The following SF3A1 variants were observed in gnomAD, a reference collection of about 807,000 sequenced individuals.
SF3A1 encodes splicing factor 3a subunit 1, also known as SAP 114.
A neutral mutation model predicts 89.9 loss-of-function variants in SF3A1; 13 were observed. That is an observed-to-expected ratio of 0.14 (90% CI 0.09 to 0.23). SF3A1 has a LOEUF of 0.23. Among genes scored for constraint, SF3A1 ranks in the 10% least tolerant of loss-of-function variants. The probability of loss-of-function intolerance (pLI) is 1.00; values close to 1 mark genes in which losing one functional copy is unlikely to be tolerated. For missense variants in SF3A1, 604 were observed against 1,022.1 expected, an observed-to-expected ratio of 0.59 and a Z score of 5.58; for synonymous variants, 405 against 374.4, an observed-to-expected ratio of 1.08 and a Z score of -0.94.
intron 11 of SF3A1, among the ~76,000 whole-genome samples, chr22:30,338,458 CAA>C (rs11442423): frequency 8.3e-5 from 10 of 119,820 alleles, no homozygotes; most frequent in Non-Finnish European, 7.1e-5. Flanking sequence ...AACTTCATCT[CAA>C]AAAAAAAAAA....
chr22:30,352,084 C>T (rs1391663812), intron 2 of SF3A1, among the ~76,000 whole-genome samples: 14 of 123,682 alleles, frequency 1.1e-4, no homozygotes, highest in East Asian at 2.6e-4. Context: ...CAGGAGGAAC[C>T]CGGAGCAATT....
chr22:30,339,576 C>T (rs1931183501), intron 9 of SF3A1, among the ~76,000 whole-genome samples: 1 of 152,030 alleles, frequency 6.6e-6, no homozygotes, highest in South Asian at 2.1e-4. Flanking sequence ...GCCAACATAG[C>T]GAAACCCCGT....
intron 2 of SF3A1, among the ~76,000 whole-genome samples, chr22:30,347,509 G>T (rs1931456286): frequency 6.6e-6 from 1 of 152,078 alleles, no homozygotes; most frequent in African/African-American, 2.4e-5. Context: ...ACCTGGGATG[G>T]TTCCCCAGAT....
chr22:30,340,875 C>T, intron 7 of SF3A1, 63 bp from the exon 8 acceptor site: 2 of 950,762 alleles, frequency 2.1e-6, no homozygotes. Flanking sequence ...GTAGCTGAGC[C>T]TGGCAGGTCT....
chr22:30,336,792 C>T (rs894122047), intron 13 of SF3A1, among the ~76,000 whole-genome samples: 4 of 152,226 alleles, frequency 2.6e-5, no homozygotes, highest in African/African-American at 9.6e-5. Flanking sequence ...GGGACCACCA[C>T]AGTCACCACC....
intron 2 of SF3A1, among the ~76,000 whole-genome samples, chr22:30,348,084 C>T (rs1325348411): frequency 6.6e-6 from 1 of 152,212 alleles, no homozygotes; most frequent in African/African-American, 2.4e-5. Flanking sequence ...CGCTTAAGCG[C>T]CTTGGCCTCC....
In SF3A1 at chr22:30,337,024, A is replaced by G. The variant is rs1479143265; in HGVS notation, c.2106+2T>C. On this transcript the variant is annotated splice_donor_variant, in intron 13 of 15. Transcript: ENST00000215793. LOFTEE classifies it high-confidence loss of function. ...CTTCAGCAGCATTCTGGGATTACAT[A>G]CCTTGTTTCTGCGCAGGAACTCCTC... The G allele has an allele frequency of 6.2e-7, 1 of 1,613,986 alleles. No homozygotes were observed. Among genetic ancestry groups the G allele is most frequent in the Non-Finnish European group, 8.5e-7 (1 of 1,179,976 alleles).
intron 13 of SF3A1, 55 bp from the exon 14 acceptor site, chr22:30,335,808 T>C (rs1931048161): frequency 7.3e-7 from 1 of 1,377,534 alleles, no homozygotes. Flanking sequence ...AATCAAGAAC[T>C]ATGCTCTGCT....
chr22:30,349,352 C>T (rs1335105384), intron 2 of SF3A1, among the ~76,000 whole-genome samples: 3 of 152,238 alleles, frequency 2.0e-5, no homozygotes, highest in African/African-American at 7.2e-5. Flanking sequence ...ACAATCTTGG[C>T]TCACTGCAAC....
rs1368014971 is a variant in SF3A1, at chr22:30,340,658, T to G, written c.1189+37A>C. On this transcript the variant is annotated intron_variant, in intron 8 of 15. Transcript: ENST00000215793. Reference sequence around the variant, plus strand: ...ACACATGAGGGCACACAGGACTTCCTGGGCAGCCCGAGGGTTGGGAAGCAG... The same window carrying G: ...ACACATGAGGGCACACAGGACTTCCGGGGCAGCCCGAGGGTTGGGAAGCAG... The G allele has an allele frequency of 3.0e-6, 4 of 1,333,894 alleles. No individual in the cohort carries two copies. The East Asian group carries it at 9.2e-5, about 31-fold the overall frequency. 82.6% of individuals were successfully genotyped at this position (1,333,894 alleles called of 1,614,324 possible).
intron 15 of SF3A1, among the ~76,000 whole-genome samples, chr22:30,334,954 A>T (rs1931021770): frequency 6.6e-6 from 1 of 152,206 alleles, no homozygotes; most frequent in Admixed American, 6.5e-5. Context: ...CACCAACTCC[A>T]TGGAGCTCTG....
chr22:30,353,045 C>T lies in SF3A1; in HGVS notation c.91G>A (p.Glu31Lys), dbSNP rs759026436. Reference sequence around the variant, plus strand: ...ACTGGCTTAGAAGGTGCAGAATCCTCCTTTGAAGATGCTTCTTCTTCTGTG... The same window carrying T: ...ACTGGCTTAGAAGGTGCAGAATCCTTCTTTGAAGATGCTTCTTCTTCTGTG... ...QPTEEEASSK[E>K]DSAPSKPVVG... The change falls in exon 2 of 16, where the codon GAG becomes AAG. Residue 31 changes from glutamate to lysine, a missense_variant. Physicochemically the swap from Glu to Lys is moderately conservative, Grantham distance 56. This residue lies in a region of SF3A1 where 55 missense variants were observed against 43.8 expected (regional missense o/e 1.25). Transcript: ENST00000215793. The T allele has an allele frequency of 6.2e-7, 1 of 1,614,108 alleles. No individual in the cohort carries two copies. Among genetic ancestry groups the T allele is most frequent in the Non-Finnish European group, 8.5e-7 (1 of 1,179,990 alleles).
In SF3A1 at chr22:30,338,987, A is replaced by G. The variant is rs750064739; in HGVS notation, c.1545T>C (p.Ala515=). The G allele has an allele frequency of 1.9e-6, 3 of 1,614,196 alleles. No individual in the cohort carries two copies. The East Asian group carries it at 6.7e-5, about 36-fold the overall frequency. Residue 515 remains alanine (A), a synonymous_variant, in exon 11 of 16, where the codon GCT becomes GCC. Coordinates refer to ENST00000215793, the MANE Select transcript of SF3A1 (RefSeq NM_005877.6). ...CCTGGAGGGTGATGTTGGCCTGGGC[A>G]GCCTGCTGGGTCCGGGCCATGCTGC... ...HSGSMARTQQ[A]AQANITLQEQ... is the part of the protein sequence containing the mutation.
intron 15 of SF3A1, 47 bp from the exon 16 acceptor site, chr22:30,334,742 G>C: frequency 1.5e-6 from 2 of 1,323,834 alleles, no homozygotes; most frequent in Non-Finnish European, 2.2e-6. Context: ...CCAGCCTTGG[G>C]GATACCGCTG....
chr22:30,347,870 C>T (rs895053246), intron 2 of SF3A1, among the ~76,000 whole-genome samples: 21 of 152,370 alleles, frequency 1.4e-4, no homozygotes, highest in African/African-American at 5.0e-4. Context: ...TAGACAGGGT[C>T]TCACTCTGTC....
At chr22:30,351,133 T>C (rs1931580788) in intron 2 of SF3A1, among the ~76,000 whole-genome samples, 1 of 152,140 alleles carries the variant, frequency 6.6e-6, no homozygotes, top group Non-Finnish European at 1.5e-5. Flanking sequence ...ACCACGTCTC[T>C]ACTAAAAATA....
intron 1 of SF3A1, among the ~76,000 whole-genome samples, chr22:30,353,744 G>C (rs1441192717): frequency 6.6e-6 from 1 of 152,150 alleles, no homozygotes; most frequent in East Asian, 1.9e-4. Context: ...TAAGACACGA[G>C]TCTGCCGACG....
chr22:30,347,805 T>C (rs1216423801), intron 2 of SF3A1, among the ~76,000 whole-genome samples: 1 of 152,198 alleles, frequency 6.6e-6, no homozygotes, highest in African/African-American at 2.4e-5. Flanking sequence ...CTAACACCAG[T>C]TTCCCTTTCT....
chr22:30,346,128 G>T (rs1290209042), intron 3 of SF3A1, 184 bp downstream of exon 3: 1 of 595,386 alleles, frequency 1.7e-6, no homozygotes, highest in East Asian at 2.8e-5. Flanking sequence ...AGCAGTGCTC[G>T]GGAAATGCCA....
Sources: gnomAD v4.1 joint callset for allele counts (sites outside exome capture counted in the v4.1 genomes callset) on GRCh38, gnomAD v4.1.1 for gene constraint, gnomAD v4.1.1 regional missense constraint, MANE v1.5 for transcripts, NCBI Gene and HGNC (gene_info 2026-07-23, HGNC 2026-07-21) for gene names.